Variants in SNTB2 observed in about 807,000 individuals in gnomAD.
SNTB2 encodes the protein beta-2-syntrophin.
A neutral mutation model predicts 46.2 loss-of-function variants in SNTB2; 34 were observed. The observed-to-expected ratio is 0.74, with a 90% CI of 0.56 to 0.98. SNTB2 has a LOEUF of 0.98. Ranked by LOEUF, SNTB2 falls within the 50% of genes least tolerant of loss-of-function variation. The pLI, the probability that SNTB2 is intolerant of heterozygous loss-of-function variation, is 0.00. For synonymous variants in SNTB2, 290 were observed against 312.6 expected, an observed-to-expected ratio of 0.93 and a Z score of 0.76; for missense variants, 603 against 731.4, an observed-to-expected ratio of 0.82 and a Z score of 2.02.
intron 1 of SNTB2, among the ~76,000 whole-genome samples, chr16:69,237,603 C>CTTTTTTTTTTTTTT (rs397706857): frequency 2.4e-4 from 28 of 118,764 alleles, no homozygotes; most frequent in African/African-American, 3.7e-4. Flanking sequence ...TTCTTTCTTT[C>CTTTTTTTTTTTTTT]TTTTTTTTTT....
At chr16:69,189,152 A>G (rs1344031140) in intron 1 of SNTB2, among the ~76,000 whole-genome samples, 5 of 152,194 alleles carry the variant, frequency 3.3e-5, no homozygotes, top group Non-Finnish European at 7.4e-5. Flanking sequence ...CATGTACACC[A>G]GTTGTGAAGT....
chr16:69,189,240 C>T (rs1254455583), intron 1 of SNTB2, among the ~76,000 whole-genome samples: 1 of 151,780 alleles, frequency 6.6e-6, no homozygotes, highest in Non-Finnish European at 1.5e-5. Flanking sequence ...AGACATTGCT[C>T]GGAAATTAGT....
chr16:69,242,143 A>G (rs1042705124), intron 1 of SNTB2, among the ~76,000 whole-genome samples: 2 of 152,074 alleles, frequency 1.3e-5, no homozygotes, highest in African/African-American at 4.8e-5. Flanking sequence ...AGTTTGAGCA[A>G]CAGGCTGGGT....
At chr16:69,247,058 AT>A (rs1964677683) in intron 2 of SNTB2, among the ~76,000 whole-genome samples, 3 of 140,922 alleles carry the variant, frequency 2.1e-5, no homozygotes, top group Non-Finnish European at 3.0e-5. Flanking sequence ...TAAAAAAAAT[AT>A]ATATATATAT....
intron 1 of SNTB2, among the ~76,000 whole-genome samples, chr16:69,244,299 T>G (rs1366616527): frequency 6.6e-6 from 1 of 152,224 alleles, no homozygotes; most frequent in African/African-American, 2.4e-5. Flanking sequence ...GTAAGCATAA[T>G]GTACCACCAT....
In SNTB2 at chr16:69,245,646, T is replaced by C. The variant is rs1351982234; in HGVS notation, c.625T>C (p.Leu209=). 4 of 1,614,006 alleles carry C rather than the reference T, an allele frequency of 2.5e-6. No individual in the cohort carries two copies. ...EVTPYIKKPS[L]VSDLPWEGAA... ...AACACCATATATCAAGAAGCCATCA[T>C]TAGTATCAGATCTGCCGTGGGAAGG... Residue 209 remains leucine (L), a synonymous_variant, in exon 2 of 7, where the codon TTA becomes CTA. Transcript: ENST00000336278.
At chr16:69,205,372 C>A (rs1466838238) in intron 1 of SNTB2, among the ~76,000 whole-genome samples, 1 of 144,362 alleles carries the variant, frequency 6.9e-6, no homozygotes. Flanking sequence ...TACATGTGCA[C>A]ATTGTGCAGT....
At chr16:69,284,450 C>T (rs755356380) in intron 5 of SNTB2, among the ~76,000 whole-genome samples, 9 of 124,468 alleles carry the variant, frequency 7.2e-5, no homozygotes, top group Non-Finnish European at 1.4e-4. Context: ...GGTGAAACCC[C>T]GTCTTTACTA....
chr16:69,208,719 G>A (rs1964248990), intron 1 of SNTB2, among the ~76,000 whole-genome samples: 1 of 151,898 alleles, frequency 6.6e-6, no homozygotes, highest in Non-Finnish European at 1.5e-5. Flanking sequence ...ATCTAGGCTG[G>A]GCGCGGTGGC....
chr16:69,299,778 A>G lies in SNTB2; in HGVS notation c.1530+4A>G, dbSNP rs772977376. The G allele has an allele frequency of 6.2e-7, 1 of 1,613,178 alleles. No homozygotes were observed. The highest frequency in any genetic ancestry group is 1.7e-5 in the Admixed American group (1 of 59,854). ...TGGTGGTCCCGAGGGAGAACTGGTA[A>G]GAGTGTTTCTGAAACACATGTTTAT... On this transcript the variant is annotated splice_donor_region_variant and intron_variant, in intron 6 of 6. Coordinates refer to ENST00000336278, the MANE Select transcript of SNTB2 (RefSeq NM_006750.4).
At chr16:69,205,228 C>T (rs2152290741) in intron 1 of SNTB2, among the ~76,000 whole-genome samples, 1 of 151,182 alleles carries the variant, frequency 6.6e-6, no homozygotes, top group East Asian at 1.9e-4. Flanking sequence ...CAGCTTACTG[C>T]AACCACCACC....
At chr16:69,231,396 C>T (rs1964505085) in intron 1 of SNTB2, among the ~76,000 whole-genome samples, 1 of 151,972 alleles carries the variant, frequency 6.6e-6, no homozygotes, top group Admixed American at 6.6e-5. Context: ...GGAGACCAGC[C>T]TGGCCAACAT....
At chr16:69,216,785 G>A (rs1474970073) in intron 1 of SNTB2, among the ~76,000 whole-genome samples, 1 of 151,818 alleles carries the variant, frequency 6.6e-6, no homozygotes, top group Admixed American at 6.6e-5. Context: ...CTTCTAAAAA[G>A]TAATAACCTT....
intron 1 of SNTB2, among the ~76,000 whole-genome samples, chr16:69,189,153 G>T (rs749895231): frequency 1.1e-4 from 16 of 152,228 alleles, no homozygotes; most frequent in Middle Eastern, 3.4e-3. Context: ...ATGTACACCA[G>T]TTGTGAAGTT....
intron 1 of SNTB2, among the ~76,000 whole-genome samples, chr16:69,215,786 A>T (rs1964341298): frequency 6.6e-6 from 1 of 152,128 alleles, no homozygotes. Flanking sequence ...CATAGATCAG[A>T]TACAGAAAGG....
chr16:69,227,498 GA>G (rs1964470491), intron 1 of SNTB2, among the ~76,000 whole-genome samples: 1 of 152,180 alleles, frequency 6.6e-6, no homozygotes, highest in South Asian at 2.1e-4. Flanking sequence ...TTTGCCTTAT[GA>G]ATGTGCAAAA....
chr16:69,201,661 A>G (rs138423163), intron 1 of SNTB2, among the ~76,000 whole-genome samples: 1 of 152,344 alleles, frequency 6.6e-6, no homozygotes, highest in African/African-American at 2.4e-5. Flanking sequence ...AATACTTCTC[A>G]GAAAACAAAA....
At chr16:69,292,400 ATATATATTATATATATAT>A (rs1168698407) in intron 5 of SNTB2, among the ~76,000 whole-genome samples, 1 of 24,486 alleles carries the variant, frequency 4.1e-5, no homozygotes, top group African/African-American at 4.4e-4. Context: ...TTATATATAT[ATATATATTATATATATAT>A]TATATATATA....
intron 3 of SNTB2, among the ~76,000 whole-genome samples, chr16:69,269,815 G>A (rs754220065): frequency 8.6e-5 from 13 of 152,004 alleles, no homozygotes; most frequent in African/African-American, 2.2e-4. Flanking sequence ...TGTGGCTCAC[G>A]CCTGTAATCC....
Sources: gnomAD v4.1 joint callset for allele counts (sites outside exome capture counted in the v4.1 genomes callset) on GRCh38, gnomAD v4.1.1 for gene constraint, MANE v1.5 for transcripts, NCBI Gene and HGNC (gene_info 2026-07-23, HGNC 2026-07-21) for gene names.